The following HS6ST3 variants were observed in gnomAD, a reference collection of about 807,000 sequenced individuals.
HS6ST3 encodes heparan-sulfate 6-O-sulfotransferase 3.
Under a neutral mutation model 36.7 loss-of-function variants are expected in HS6ST3, and 12 were observed. That is an observed-to-expected ratio of 0.33 (90% CI 0.21 to 0.53). The LOEUF is 0.53. HS6ST3 is among the 20% of genes least tolerant of loss of function. The probability of loss-of-function intolerance (pLI) is 0.95; values close to 1 mark genes in which losing one functional copy is unlikely to be tolerated. For missense variants in HS6ST3, 584 were observed against 640.9 expected, an observed-to-expected ratio of 0.91 and a Z score of 0.96; for synonymous variants, 240 against 257.5, an observed-to-expected ratio of 0.93 and a Z score of 0.65.
intron 1 of HS6ST3, among the ~76,000 whole-genome samples, chr13:96,117,526 T>G (rs1299332888): frequency 6.6e-6 from 1 of 152,060 alleles, no homozygotes; most frequent in African/African-American, 2.4e-5. Context: ...CAGAAAGAGA[T>G]AAGATTGAAT....
At chr13:96,431,432 G>A (rs533539800) in intron 1 of HS6ST3, among the ~76,000 whole-genome samples, 10 of 152,268 alleles carry the variant, frequency 6.6e-5, no homozygotes, top group African/African-American at 2.4e-4. Context: ...TTCCACCACA[G>A]GGGTGTGGTT....
intron 1 of HS6ST3, among the ~76,000 whole-genome samples, chr13:96,507,724 A>T (rs2056032308): frequency 2.0e-5 from 3 of 152,224 alleles, no homozygotes; most frequent in African/African-American, 7.2e-5. Context: ...GTAAACAATT[A>T]AAAAAGACAA....
chr13:96,642,100 G>A (rs185268260), intron 1 of HS6ST3, among the ~76,000 whole-genome samples: 2 of 151,774 alleles, frequency 1.3e-5, no homozygotes, highest in South Asian at 2.1e-4. Context: ...TTTTGAAGGG[G>A]GGAGGGATGT....
At chr13:96,580,660 T>C (rs1428632902) in intron 1 of HS6ST3, among the ~76,000 whole-genome samples, 2 of 152,176 alleles carry the variant, frequency 1.3e-5, no homozygotes, top group Admixed American at 1.3e-4. Flanking sequence ...TCTCTTTAAA[T>C]CATGTTCTTT....
intron 1 of HS6ST3, among the ~76,000 whole-genome samples, chr13:96,684,270 G>A (rs1400966354): frequency 6.6e-6 from 1 of 151,820 alleles, no homozygotes; most frequent in South Asian, 2.1e-4. Flanking sequence ...TTTTCTACAT[G>A]CATGTTCCAA....
chr13:96,780,181 A>T (rs1165802399), intron 1 of HS6ST3, among the ~76,000 whole-genome samples: 1 of 152,226 alleles, frequency 6.6e-6, no homozygotes, highest in African/African-American at 2.4e-5. Context: ...AGAAGCTGTG[A>T]GGGAAGATGG....
At chr13:96,109,513 C>T (rs1794610763) in intron 1 of HS6ST3, among the ~76,000 whole-genome samples, 1 of 152,210 alleles carries the variant, frequency 6.6e-6, no homozygotes, top group South Asian at 2.1e-4. Flanking sequence ...AACTCATTCA[C>T]AGATTGGCCT....
chr13:96,238,757 C>T (rs761175005), intron 1 of HS6ST3, among the ~76,000 whole-genome samples: 22 of 152,354 alleles, frequency 1.4e-4, no homozygotes, highest in Middle Eastern at 3.4e-3. Flanking sequence ...CAGTACCCAG[C>T]ACAGTGCTTG....
At chr13:96,821,778 C>A (rs1878540160) in intron 1 of HS6ST3, among the ~76,000 whole-genome samples, 1 of 152,096 alleles carries the variant, frequency 6.6e-6, no homozygotes, top group Non-Finnish European at 1.5e-5. Flanking sequence ...TTACCCAGTC[C>A]TGATAGCAGA....
intron 1 of HS6ST3, among the ~76,000 whole-genome samples, chr13:96,728,207 A>G (rs543008258): frequency 1.4e-3 from 209 of 152,314 alleles, no homozygotes; most frequent in Middle Eastern, 0.01. Context: ...TAAGTAAAGT[A>G]CACTTTTTTA....
At chr13:96,597,338 A>G (rs1308098803) in intron 1 of HS6ST3, among the ~76,000 whole-genome samples, 2 of 151,736 alleles carry the variant, frequency 1.3e-5, no homozygotes, top group East Asian at 3.9e-4. Flanking sequence ...TGAACTTAAA[A>G]TAAAAGTTAA....
intron 1 of HS6ST3, among the ~76,000 whole-genome samples, chr13:96,605,941 A>C (rs955496504): frequency 1.8e-4 from 27 of 152,300 alleles, no homozygotes; most frequent in African/African-American, 4.3e-4. Context: ...TCTTAAAAGA[A>C]GATATACAAG....
intron 1 of HS6ST3, among the ~76,000 whole-genome samples, chr13:96,232,658 C>T (rs1051296904): frequency 2.0e-5 from 3 of 152,012 alleles, no homozygotes; most frequent in Non-Finnish European, 4.4e-5. Context: ...AGCCCAGAGA[C>T]AAGGACTGGA....
intron 1 of HS6ST3, among the ~76,000 whole-genome samples, chr13:96,477,167 T>A (rs982239777): frequency 2.0e-5 from 3 of 152,152 alleles, no homozygotes; most frequent in African/African-American, 7.2e-5. Context: ...TAGCACTAGC[T>A]GTAAGATGAT....
intron 1 of HS6ST3, among the ~76,000 whole-genome samples, chr13:96,320,495 C>T (rs780934635): frequency 3.4e-4 from 51 of 152,124 alleles, no homozygotes; most frequent in Non-Finnish European, 5.7e-4. Flanking sequence ...TAGACTGTGC[C>T]GAGGCATAAA....
At chr13:96,249,735 T>C (rs973587739) in intron 1 of HS6ST3, among the ~76,000 whole-genome samples, 2 of 152,156 alleles carry the variant, frequency 1.3e-5, no homozygotes, top group African/African-American at 4.8e-5. Context: ...AAATGTGATA[T>C]ATACACACAA....
chr13:96,710,412 A>G (rs1566435577), intron 1 of HS6ST3, among the ~76,000 whole-genome samples: 2 of 152,248 alleles, frequency 1.3e-5, no homozygotes, highest in Non-Finnish European at 2.9e-5. Context: ...AGCACAGACC[A>G]TCCAGAGCTG....
chr13:96,590,407 T>C (rs1212298177), intron 1 of HS6ST3, among the ~76,000 whole-genome samples: 1 of 152,154 alleles, frequency 6.6e-6, no homozygotes, highest in African/African-American at 2.4e-5. Flanking sequence ...GACATTTCAT[T>C]GTAGTTTTGA....
intron 1 of HS6ST3, among the ~76,000 whole-genome samples, chr13:96,666,616 C>T (rs886969130): frequency 2.0e-5 from 3 of 152,070 alleles, no homozygotes; most frequent in Admixed American, 1.3e-4. Context: ...TAGCATATTA[C>T]AGCAACACGT....
Sources: allele counts gnomAD v4.1 joint callset (sites outside exome capture counted in the v4.1 genomes callset), GRCh38; gene constraint gnomAD v4.1.1; transcripts MANE v1.5; gene names NCBI Gene and HGNC (gene_info 2026-07-23, HGNC 2026-07-21).